SMCHD1: variants seen among roughly 807,000 people sequenced by gnomAD.
The protein encoded by SMCHD1 is structural maintenance of chromosomes flexible hinge domain containing 1, also known as structural maintenance of chromosomes flexible hinge domain-containing protein 1.
A neutral mutation model predicts 254.7 loss-of-function variants in SMCHD1; 78 were observed. The observed-to-expected ratio is 0.31, with a 90% confidence interval of 0.26 to 0.37. SMCHD1 has a LOEUF of 0.37. SMCHD1 is among the 10% of genes least tolerant of loss of function. The pLI, the probability that SMCHD1 is intolerant of heterozygous loss-of-function variation, is 1.00. For synonymous variants in SMCHD1, 766 were observed against 794.9 expected (o/e 0.96, Z 0.61); for missense variants, 1,840 against 2,408.1 (o/e 0.76, Z 4.94).
In SMCHD1 at chr18:2,796,095, G is replaced by C; in HGVS notation, c.5866G>C (p.Glu1956Gln). 1.9e-6 allele frequency: 3 copies of C among 1,558,152 alleles called. No individual in the cohort carries two copies. Among genetic ancestry groups the C allele is most frequent in the South Asian group, 1.2e-5 (1 of 82,380 alleles). ...DEHEKNLKLI[E>Q]EKLGMTPIRK... ...ACATGAGAAAAATCTCAAACTAATA[G>C]AGGAAAAACTAGGTAAGTCTTTGCT... Residue 1956 changes from glutamate (E) to glutamine (Q), a missense_variant, in exon 46 of 48, where the codon GAG becomes CAG. This residue lies in a region of SMCHD1 where 132 missense variants were observed against 138.2 expected (regional missense o/e 0.95). Transcript: ENST00000320876.
rs561439889 is a variant in SMCHD1 at position 2,748,380 on chromosome 18, G to GTGTGTGTGTGTGTA, written c.3927+736_3927+737insGTGTGTGTGTATGT. ...TGTGTGTGTGTGTGTGTGTGTGTGT[G>GTGTGTGTGTGTGTA]TGTATATAAATTTTTTTTTTTTTTT... On this transcript the variant is annotated intron_variant, in intron 30 of 47. Transcript: ENST00000320876. 1.4e-3 allele frequency among the ~76,000 whole-genome samples: 113 copies of GTGTGTGTGTGTGTA among 80,238 alleles called. 7 individuals are homozygous for GTGTGTGTGTGTGTA. Among genetic ancestry groups the GTGTGTGTGTGTGTA allele is most frequent in the African/African-American group, 7.0e-3 (102 of 14,550 alleles). The allele number at this position is 80,238 out of a possible 152,430, so 52.6% of individuals were successfully genotyped here. A position where few individuals can be genotyped will look rare whatever the true frequency, so the allele number is the denominator to read the frequency against.
chr18:2,767,580 T>C (rs75897323), intron 37 of SMCHD1, among the ~76,000 whole-genome samples: 9,861 of 130,648 alleles, frequency 0.075, 484 homozygotes, highest in Admixed American at 0.18. Context: ...TCACAACCTA[T>C]TTCCTTTTTT....
At chr18:2,748,431 CG>C (rs1162148944) in intron 30 of SMCHD1, among the ~76,000 whole-genome samples, 1 of 72 alleles carries the variant, frequency 0.014, no homozygotes, top group Non-Finnish European at 0.038. Context: ...CTCGCTGCAA[CG>C]CCCCAGGCTG....
intron 7 of SMCHD1, among the ~76,000 whole-genome samples, chr18:2,693,370 A>G (rs1454328602): frequency 6.6e-6 from 1 of 152,240 alleles, no homozygotes; most frequent in Non-Finnish European, 1.5e-5. Flanking sequence ...CTTAGATGGC[A>G]TAGCCTGCTA....
At chr18:2,755,565 C>CTTTTTTTTTTTTT (rs11413061) in intron 34 of SMCHD1, among the ~76,000 whole-genome samples, 6 of 108,164 alleles carry the variant, frequency 5.5e-5, no homozygotes, top group African/African-American at 7.6e-5. Flanking sequence ...TTCTTTCTTT[C>CTTTTTTTTTTTTT]TTTTTTTTTT....
intron 43 of SMCHD1, 35 bp from the exon 44 acceptor site, chr18:2,778,131 TATC>T (rs1205193073): frequency 8.9e-6 from 13 of 1,461,978 alleles, no homozygotes; most frequent in Non-Finnish European, 1.1e-5. Flanking sequence ...CCAAGGAAAA[TATC>T]ATAATTTTCA....
chr18:2,797,758 C>G (rs1245880014), intron 47 of SMCHD1, among the ~76,000 whole-genome samples: 1 of 152,028 alleles, frequency 6.6e-6, no homozygotes, highest in Non-Finnish European at 1.5e-5. Context: ...AACCCTGTCT[C>G]TACTAAAAAT....
chr18:2,706,730 TA>T (rs554825774), intron 15 of SMCHD1, among the ~76,000 whole-genome samples: 1 of 152,170 alleles, frequency 6.6e-6, no homozygotes, highest in Non-Finnish European at 1.5e-5. Flanking sequence ...TAACATGTTT[TA>T]AAAAAACTCA....
intron 29 of SMCHD1, among the ~76,000 whole-genome samples, chr18:2,745,396 C>CT (rs999682958): frequency 1.4e-4 from 22 of 152,178 alleles, no homozygotes; most frequent in Non-Finnish European, 2.6e-4. Flanking sequence ...GGCAGGTCAT[C>CT]TAAGAAAGGT....
chr18:2,723,729 T>G (rs949645151), intron 20 of SMCHD1, among the ~76,000 whole-genome samples: 7 of 152,166 alleles, frequency 4.6e-5, no homozygotes, highest in African/African-American at 1.7e-4. Context: ...TGTTTTAACC[T>G]TTTCAGAGAT....
chr18:2,693,687 A>G (rs1296038555), intron 7 of SMCHD1, among the ~76,000 whole-genome samples: 6 of 152,144 alleles, frequency 3.9e-5, no homozygotes, highest in Non-Finnish European at 8.8e-5. Context: ...GCTGGAGTGC[A>G]GTGGCGCGAT....
At chr18:2,745,833 T>A (rs999745371) in intron 29 of SMCHD1, among the ~76,000 whole-genome samples, 3 of 152,208 alleles carry the variant, frequency 2.0e-5, no homozygotes, top group African/African-American at 4.8e-5. Flanking sequence ...ATCAGTCTCT[T>A]GAGATATGGT....
chr18:2,687,946 A>G (rs990883607), intron 5 of SMCHD1, among the ~76,000 whole-genome samples: 1 of 152,094 alleles, frequency 6.6e-6, no homozygotes, highest in South Asian at 2.1e-4. Context: ...TCTTCAGAAT[A>G]TTGTTATGGT....
intron 44 of SMCHD1, among the ~76,000 whole-genome samples, chr18:2,782,552 C>G (rs140881689): frequency 2.0e-5 from 3 of 151,198 alleles, no homozygotes; most frequent in Middle Eastern, 6.8e-3. Context: ...CCAGCCTGGG[C>G]AACATAGTGA....
intron 25 of SMCHD1, among the ~76,000 whole-genome samples, chr18:2,737,284 T>C (rs1382381220): frequency 6.6e-6 from 1 of 152,140 alleles, no homozygotes; most frequent in Non-Finnish European, 1.5e-5. Flanking sequence ...ACTATGCTCA[T>C]TACCTGGGTG....
chr18:2,790,879 A>T (rs1304186305), intron 45 of SMCHD1, among the ~76,000 whole-genome samples: 1 of 152,222 alleles, frequency 6.6e-6, no homozygotes, highest in African/African-American at 2.4e-5. Flanking sequence ...AGAATATCAC[A>T]TGTGCCCTGA....
At chr18:2,689,551 A>G (rs1337909106) in intron 7 of SMCHD1, among the ~76,000 whole-genome samples, 1 of 151,728 alleles carries the variant, frequency 6.6e-6, no homozygotes, top group African/African-American at 2.4e-5. Context: ...AAAATCTTTA[A>G]TATATAAGTT....
chr18:2,799,801 T>A (rs2076327706), intron 47 of SMCHD1, among the ~76,000 whole-genome samples: 1 of 152,158 alleles, frequency 6.6e-6, no homozygotes, highest in Non-Finnish European at 1.5e-5. Context: ...TAATCACATC[T>A]TCTTCCTCCT....
intron 47 of SMCHD1, chr18:2,801,053 C>T (rs1234999498): frequency 6.6e-6 from 1 of 152,082 alleles, no homozygotes; most frequent in Admixed American, 6.6e-5. Context: ...AAGAAAACTT[C>T]CCCAATACAA....
Sources: gnomAD v4.1 joint callset for allele counts (sites outside exome capture counted in the v4.1 genomes callset) on GRCh38, gnomAD v4.1.1 for gene constraint, gnomAD v4.1.1 regional missense constraint, MANE v1.5 for transcripts, NCBI Gene and HGNC (gene_info 2026-07-23, HGNC 2026-07-21) for gene names.